SLC36A1: variants seen among roughly 807,000 people sequenced by gnomAD.
SLC36A1 encodes proton-coupled amino acid transporter 1.
In SLC36A1, 30 loss-of-function variants were observed where a neutral mutation model predicts 47.5. That is an observed-to-expected ratio of 0.63 (90% CI 0.47 to 0.86). SLC36A1 has a LOEUF of 0.86. Among genes scored for constraint, SLC36A1 ranks in the 40% least tolerant of loss-of-function variants. SLC36A1 has a pLI of 0.00. For missense variants in SLC36A1, 517 were observed against 606.0 expected, an observed-to-expected ratio of 0.85 and a Z score of 1.54; for synonymous variants, 255 against 249.7, an observed-to-expected ratio of 1.02 and a Z score of -0.20.
chr5:151,451,937 A>G (rs185129070), intron 1 of SLC36A1, among the ~76,000 whole-genome samples: 110 of 152,228 alleles, frequency 7.2e-4, no homozygotes, highest in African/African-American at 2.6e-3. Context: ...TGTCATCTCA[A>G]ATCTTTGATT....
chr5:151,522,544 C>T, the SLC36A1 span, among the ~76,000 whole-genome samples: 17 of 152,260 alleles, frequency 1.1e-4, no homozygotes, highest in South Asian at 3.1e-3. Flanking sequence ...GAGTGGGAGT[C>T]GGGATTTGTC....
At position 151,439,302 on chromosome 5, in the gene SLC36A1, C is replaced by T. The variant is rs115441267; in HGVS notation, c.-6+2123C>T. ...ATGAGATTTGGGTGGGGACACAAAG[C>T]CAAACCATATTATATCATAATTACC... On this transcript the variant is annotated intron_variant, in intron 1 of 8. Coordinates refer to the SLC36A1 transcript ENST00000429484. Among the ~76,000 whole-genome samples, 1,212 of 152,156 alleles carry T rather than the reference C, an allele frequency of 8.0e-3. 9 individuals are homozygous for T. Among genetic ancestry groups the T allele is most frequent in the Non-Finnish European group, 0.014 (972 of 67,988 alleles).
the SLC36A1 span, among the ~76,000 whole-genome samples, chr5:151,403,756 C>A: frequency 2.6e-5 from 4 of 152,160 alleles, no homozygotes; most frequent in African/African-American, 9.7e-5. Flanking sequence ...GTATTGATTT[C>A]TATTTTTATT....
At chr5:151,505,451 G>T in the SLC36A1 span, 1 of 1,288,886 alleles carries the variant, frequency 7.8e-7, no homozygotes, top group Non-Finnish European at 1.1e-6. Context: ...AGCCTGGGCT[G>T]AGGGCTTCCC....
chr5:151,544,995 G>A, the SLC36A1 span: 1 of 1,614,040 alleles, frequency 6.2e-7, no homozygotes, highest in Non-Finnish European at 8.5e-7. Context: ...GTGTCCGATT[G>A]TCCCTCACTT....
chr5:151,464,135 TA>T (rs1755985717), intron 3 of SLC36A1, among the ~76,000 whole-genome samples: 1 of 152,200 alleles, frequency 6.6e-6, no homozygotes, highest in East Asian at 1.9e-4. Context: ...TGCCCTTAGC[TA>T]AGTGCAGTCT....
chr5:151,430,310 G>A, the SLC36A1 span, among the ~76,000 whole-genome samples: 97 of 146,598 alleles, frequency 6.6e-4, 1 homozygote, highest in Middle Eastern at 0.01. Flanking sequence ...GATTACAGGT[G>A]TGCGCCACCA....
intron 5 of SLC36A1, 107 bp from the exon 6 acceptor site, chr5:151,467,092 G>A (rs372033288): frequency 3.1e-5 from 25 of 813,304 alleles, no homozygotes; most frequent in East Asian, 9.9e-5. Context: ...AACAGCACTT[G>A]TACTCCCTAA....
chr5:151,379,557 T>C, the SLC36A1 span, among the ~76,000 whole-genome samples: 15 of 152,140 alleles, frequency 9.9e-5, no homozygotes, highest in Admixed American at 2.0e-4. Context: ...GGTCTCGAAC[T>C]CCTGACCTTG....
the SLC36A1 span, among the ~76,000 whole-genome samples, chr5:151,394,440 T>C: frequency 6.6e-6 from 1 of 152,272 alleles, no homozygotes; most frequent in Non-Finnish European, 1.5e-5. Flanking sequence ...GTTCCATTGC[T>C]GGCGAGGAGC....
the SLC36A1 span, chr5:151,527,322 T>C: frequency 4.3e-6 from 7 of 1,613,404 alleles, no homozygotes; most frequent in Admixed American, 6.7e-5. Flanking sequence ...TGTGTCCTCA[T>C]GCAGTGGAGG....
the SLC36A1 span, chr5:151,521,189 C>T: frequency 2.2e-6 from 3 of 1,395,056 alleles, no homozygotes; most frequent in Non-Finnish European, 2.9e-6. Flanking sequence ...AACTCTCCCA[C>T]AGAGCCTCAG....
the SLC36A1 span, among the ~76,000 whole-genome samples, chr5:151,369,644 C>T: frequency 6.6e-6 from 1 of 152,124 alleles, no homozygotes; most frequent in African/African-American, 2.4e-5. Context: ...CTATGACTGG[C>T]TAATTTTAAA....
the SLC36A1 span, chr5:151,544,891 A>G: frequency 3.7e-6 from 6 of 1,614,020 alleles, no homozygotes; most frequent in South Asian, 2.2e-5. Context: ...GCCATCTTGG[A>G]TGATTGTGTA....
intron 1 of SLC36A1, among the ~76,000 whole-genome samples, chr5:151,452,869 C>CAAAAAAAAAAAAAAAA (rs543863050): frequency 1.9e-5 from 2 of 107,136 alleles, no homozygotes; most frequent in Admixed American, 9.9e-5. Context: ...GACACCATCT[C>CAAAAAAAAAAAAAAAA]AAAAAAAAAA....
At chr5:151,549,329 T>TC in the SLC36A1 span, 1 of 1,613,412 alleles carries the variant, frequency 6.2e-7, no homozygotes, top group Non-Finnish European at 8.5e-7. Context: ...CAGCATTGAC[T>TC]CCCCGGTCAG....
At chr5:151,348,134 A>G in the SLC36A1 span, among the ~76,000 whole-genome samples, 1 of 152,086 alleles carries the variant, frequency 6.6e-6, no homozygotes, top group East Asian at 1.9e-4. Context: ...AGTCATCTCT[A>G]ATTAATTCTT....
At chr5:151,542,753 C>T in the SLC36A1 span, 1 of 1,614,208 alleles carries the variant, frequency 6.2e-7, no homozygotes, top group Non-Finnish European at 8.5e-7. Flanking sequence ...GGCCTATTGT[C>T]ATTGACGTCT....
At chr5:151,382,296 A>G in the SLC36A1 span, 1 of 1,209,212 alleles carries the variant, frequency 8.3e-7, no homozygotes, top group South Asian at 1.2e-5. Context: ...GAGTGCCCTC[A>G]ACCTGCACAG....
Sources: gnomAD v4.1 joint callset for allele counts (sites outside exome capture counted in the v4.1 genomes callset) on GRCh38, gnomAD v4.1.1 for gene constraint, MANE v1.5 for transcripts, NCBI Gene and HGNC (gene_info 2026-07-23, HGNC 2026-07-21) for gene names.